BCAS1: variants seen among roughly 807,000 people sequenced by gnomAD.
BCAS1 encodes the protein brain enriched myelin associated protein 1, also known as breast carcinoma-amplified sequence 1.
A neutral mutation model predicts 65.4 loss-of-function variants in BCAS1; 46 were observed. The ratio of observed to expected loss-of-function variants is 0.70; its 90% CI spans 0.55 to 0.90. BCAS1 has a LOEUF of 0.90. Among genes scored for constraint, BCAS1 ranks in the 40% least tolerant of loss-of-function variants. BCAS1 has a pLI of 0.00. For missense variants in BCAS1, 793 were observed against 771.2 expected (o/e 1.03, Z -0.33); for synonymous variants, 298 against 293.5 (o/e 1.02, Z -0.16).
chr20:53,972,189 A>G (rs1454581159), intron 9 of BCAS1, among the ~76,000 whole-genome samples: 1 of 152,228 alleles, frequency 6.6e-6, no homozygotes, highest in Non-Finnish European at 1.5e-5. Flanking sequence ...CACTCTTGTA[A>G]TATGGTTAAT....
intron 4 of BCAS1, among the ~76,000 whole-genome samples, chr20:54,016,982 C>T (rs1415336956): frequency 6.6e-6 from 1 of 152,204 alleles, no homozygotes; most frequent in African/African-American, 2.4e-5. Flanking sequence ...GCTCATCTCA[C>T]ACGGGGGTAG....
intron 3 of BCAS1, among the ~76,000 whole-genome samples, chr20:54,039,475 C>T (rs2037253732): frequency 6.6e-6 from 1 of 151,284 alleles, no homozygotes. Flanking sequence ...CTTCAGAAAA[C>T]ATCCTCTAAA....
intron 4 of BCAS1, among the ~76,000 whole-genome samples, chr20:54,022,692 C>A (rs979412561): frequency 6.6e-6 from 1 of 152,140 alleles, no homozygotes; most frequent in African/African-American, 2.4e-5. Context: ...AAATACCTAC[C>A]TTGTTGGGTT....
intron 4 of BCAS1, among the ~76,000 whole-genome samples, chr20:54,028,060 T>C (rs1381531605): frequency 6.6e-6 from 1 of 152,218 alleles, no homozygotes; most frequent in Non-Finnish European, 1.5e-5. Context: ...ATTCCACTAA[T>C]GCCTTTTCCT....
At chr20:53,995,691 C>T (rs764052904) in intron 5 of BCAS1, among the ~76,000 whole-genome samples, 10 of 152,148 alleles carry the variant, frequency 6.6e-5, no homozygotes, top group Non-Finnish European at 1.2e-4. Context: ...ACCATGGTTC[C>T]GAGCTTCAGG....
chr20:53,963,096 C>G (rs1437126010), intron 10 of BCAS1, among the ~76,000 whole-genome samples: 1 of 151,736 alleles, frequency 6.6e-6, no homozygotes, highest in African/African-American at 2.4e-5. Flanking sequence ...GTAATCCACC[C>G]GCCTCGGCCT....
chr20:54,008,498 A>G (rs1183296035), intron 4 of BCAS1, among the ~76,000 whole-genome samples: 1 of 152,204 alleles, frequency 6.6e-6, no homozygotes, highest in Admixed American at 6.5e-5. Context: ...GCCTCCACCC[A>G]GTAGTAATAA....
intron 8 of BCAS1, among the ~76,000 whole-genome samples, chr20:53,982,048 T>G (rs2090496123): frequency 1.3e-5 from 2 of 152,226 alleles, no homozygotes. Flanking sequence ...ATTATTGGTT[T>G]CTTATAACAA....
intron 3 of BCAS1, among the ~76,000 whole-genome samples, chr20:54,049,940 T>TTGCTGTAA (rs2092181500): frequency 6.6e-6 from 1 of 152,204 alleles, no homozygotes; most frequent in South Asian, 2.1e-4. Flanking sequence ...CCATTTCCGA[T>TTGCTGTAA]TGCTGTAATG....
chr20:54,041,908 C>CAAAAAAGAAA (rs1391284796), intron 3 of BCAS1, among the ~76,000 whole-genome samples: 1 of 67,362 alleles, frequency 1.5e-5, no homozygotes, highest in South Asian at 7.5e-4. Context: ...TCTGTCTCCC[C>CAAAAAAGAAA]CAAAAAAAAA....
chr20:53,966,864 C>G lies in BCAS1; in HGVS notation c.1485+42G>C, dbSNP rs775759436. 1.5e-5 allele frequency: 23 copies of G among 1,552,568 alleles called. No individual in the cohort carries two copies. In the East Asian group the frequency reaches 4.3e-4, roughly 29 times the overall value. On this transcript the variant is annotated intron_variant, in intron 10 of 12. Coordinates refer to ENST00000688948, the MANE Select transcript of BCAS1 (RefSeq NM_001366298.2). Reference sequence around the variant, plus strand: ...GAGCCCATTGTTCCCAGAAGCCGCTCTAGGTATCTTAGGTTTCCTATACTG... The same window carrying G: ...GAGCCCATTGTTCCCAGAAGCCGCTGTAGGTATCTTAGGTTTCCTATACTG...
At chr20:53,964,799 G>T (rs1447006292) in intron 10 of BCAS1, among the ~76,000 whole-genome samples, 3 of 142,928 alleles carry the variant, frequency 2.1e-5, no homozygotes, top group Admixed American at 2.1e-4. Flanking sequence ...TGGTTTAGAG[G>T]TTTTTTTTTT....
intron 4 of BCAS1, among the ~76,000 whole-genome samples, chr20:54,028,059 A>G (rs2091713630): frequency 6.6e-6 from 1 of 152,192 alleles, no homozygotes; most frequent in African/African-American, 2.4e-5. Context: ...TATTCCACTA[A>G]TGCCTTTTCC....
At chr20:54,048,440 T>G (rs1225764310) in intron 3 of BCAS1, among the ~76,000 whole-genome samples, 1 of 152,038 alleles carries the variant, frequency 6.6e-6, no homozygotes, top group Non-Finnish European at 1.5e-5. Flanking sequence ...CTCTGGCCAA[T>G]AAGAGGATGC....
chr20:53,977,804 G>A (rs980474386), intron 8 of BCAS1, among the ~76,000 whole-genome samples: 2 of 152,100 alleles, frequency 1.3e-5, no homozygotes, highest in African/African-American at 4.8e-5. Flanking sequence ...ACTTAGCAAA[G>A]CACTCATTTT....
intron 1 of BCAS1, chr20:54,068,507 C>G (rs952919796): frequency 6.5e-6 from 1 of 153,550 alleles, no homozygotes. Context: ...CTGGCTTCAC[C>G]CTTGCCCTGA....
intron 3 of BCAS1, among the ~76,000 whole-genome samples, chr20:54,044,092 G>A (rs290386): frequency 0.4 from 61,106 of 152,072 alleles, 12,327 homozygotes; most frequent in Middle Eastern, 0.48. Flanking sequence ...GATATGAAAA[G>A]CTGATTTTAA....
At chr20:53,978,214 T>C (rs900604329) in intron 8 of BCAS1, among the ~76,000 whole-genome samples, 10 of 151,950 alleles carry the variant, frequency 6.6e-5, no homozygotes, top group East Asian at 3.9e-4. Context: ...ATGGATGAAA[T>C]TGGAAATCAT....
At chr20:54,037,607 C>T (rs1422669411) in intron 3 of BCAS1, among the ~76,000 whole-genome samples, 1 of 151,350 alleles carries the variant, frequency 6.6e-6, no homozygotes, top group Non-Finnish European at 1.5e-5. Context: ...ATGTCTATAA[C>T]AAGAAACATT....
Sources: allele counts gnomAD v4.1 joint callset (sites outside exome capture counted in the v4.1 genomes callset), GRCh38; gene constraint gnomAD v4.1.1; transcripts MANE v1.5; gene names NCBI Gene and HGNC (gene_info 2026-07-23, HGNC 2026-07-21).